Variants in MTUS2 observed in about 807,000 individuals in gnomAD.
The protein encoded by MTUS2 is microtubule associated scaffold protein 2, also known as microtubule-associated tumor suppressor candidate 2.
A neutral mutation model predicts 114.1 loss-of-function variants in MTUS2; 40 were observed. The ratio of observed to expected loss-of-function variants is 0.35; its 90% CI spans 0.27 to 0.46. The LOEUF is 0.46. MTUS2 is among the 20% of genes least tolerant of loss of function. The pLI, the probability that MTUS2 is intolerant of heterozygous loss-of-function variation, is 1.00. For synonymous variants in MTUS2, 688 were observed against 672.0 expected (o/e 1.02, Z -0.37); for missense variants, 1,679 against 1,705.4 (o/e 0.98, Z 0.27).
intron 6 of MTUS2, among the ~76,000 whole-genome samples, chr13:29,292,154 A>G (rs1056969316): frequency 1.4e-4 from 21 of 152,228 alleles, no homozygotes; most frequent in Admixed American, 1.4e-3. Context: ...CTGAGATAAC[A>G]CTAACTCTTA....
intron 7 of MTUS2, among the ~76,000 whole-genome samples, chr13:29,333,337 A>G (rs1323309090): frequency 2.4e-4 from 36 of 152,246 alleles, no homozygotes; most frequent in Middle Eastern, 3.4e-3. Flanking sequence ...AGTGGGGATT[A>G]TAGGCATGCA....
At chr13:29,244,682 C>T (rs1230769495) in intron 5 of MTUS2, among the ~76,000 whole-genome samples, 13 of 152,042 alleles carry the variant, frequency 8.6e-5, no homozygotes, top group African/African-American at 3.1e-4. Context: ...CTGGGCCGGG[C>T]GCGGTGGCTC....
Position 29,505,160 on chromosome 13 carries a change from A to G in MTUS2, c.*1954A>G, listed in dbSNP as rs554271811. 9 of 232,240 alleles carry G rather than the reference A, an allele frequency of 3.9e-5. No individual in the cohort carries two copies. The South Asian group carries it at 1.6e-3, about 42-fold the overall frequency. The allele number at this position is 232,240 out of a possible 1,614,324, so 14.4% of individuals were successfully genotyped here. A position where few individuals can be genotyped will look rare whatever the true frequency, so the allele number is the denominator to read the frequency against. ...GTAGATCTTGCCACATTGACTAAAT[A>G]CACAAGTATTTATTCTAGTAGCAGG... On this transcript the variant is annotated 3_prime_UTR_variant, in exon 16 of 16. Transcript: ENST00000612955.
chr13:29,180,999 C>G (rs1180946308), intron 5 of MTUS2, among the ~76,000 whole-genome samples: 1 of 152,066 alleles, frequency 6.6e-6, no homozygotes, highest in Non-Finnish European at 1.5e-5. Flanking sequence ...AATTATCTTG[C>G]CTGTTGAACT....
At chr13:28,829,665 A>G (rs772405452) in intron 1 of MTUS2, among the ~76,000 whole-genome samples, 9 of 152,242 alleles carry the variant, frequency 5.9e-5, no homozygotes, top group Non-Finnish European at 1.2e-4. Context: ...AAAAAACTCC[A>G]TTCTCAAAGC....
chr13:29,477,792 G>T lies in MTUS2; in HGVS notation c.3185-2358G>T, dbSNP rs112496925. Among the ~76,000 whole-genome samples the T allele has an allele frequency of 2.0e-5, 3 of 151,862 alleles. No individual in the cohort carries two copies. The East Asian group carries it at 5.8e-4, about 29-fold the overall frequency. On this transcript the variant is annotated intron_variant, in intron 9 of 15. Coordinates refer to ENST00000612955, the MANE Select transcript of MTUS2 (RefSeq NM_001033602.4). Reference sequence around the variant, plus strand: ...TGACAATTATATATATATATAATTGGTCCATTTTGGGTATCAAATTGGACC... The same window carrying T: ...TGACAATTATATATATATATAATTGTTCCATTTTGGGTATCAAATTGGACC...
chr13:29,408,418 CG>C (rs1312429602), intron 8 of MTUS2, among the ~76,000 whole-genome samples: 2 of 152,118 alleles, frequency 1.3e-5, no homozygotes, highest in Non-Finnish European at 2.9e-5. Flanking sequence ...TGGGCTCAAG[CG>C]ATCCTCCCAC....
rs1034651741 is a variant in MTUS2, at chr13:29,026,327, C to T, written c.1629C>T (p.Asn543=). The part of the protein sequence containing the change: ...PAPLHPETTV[N]MTYQPTTPSS... ...CCCTCCACCCAGAGACAACTGTGAA[C>T]ATGACCTACCAGCCTACAACACCCA... The change falls in exon 3 of 16, where the codon AAC becomes AAT. Residue 543 remains asparagine (N), a synonymous_variant. Coordinates refer to ENST00000612955, the MANE Select transcript of MTUS2 (RefSeq NM_001033602.4). 6.2e-7 allele frequency: 1 copy of T among 1,613,996 alleles called. No individual in the cohort carries two copies. Among genetic ancestry groups the T allele is most frequent in the Non-Finnish European group, 8.5e-7 (1 of 1,179,886 alleles).
chr13:29,292,477 T>G (rs566056088), intron 6 of MTUS2, among the ~76,000 whole-genome samples: 1 of 152,328 alleles, frequency 6.6e-6, no homozygotes, highest in East Asian at 1.9e-4. Flanking sequence ...TAGAACAGTC[T>G]TAACCCTTGA....
chr13:29,157,918 A>G (rs924090218), intron 5 of MTUS2, among the ~76,000 whole-genome samples: 6 of 152,240 alleles, frequency 3.9e-5, no homozygotes, highest in African/African-American at 1.4e-4. Context: ...GAGTAATGCA[A>G]AAAGTTGGTT....
At position 29,505,749 on chromosome 13, in the gene MTUS2, G is replaced by T. The variant is rs1250239160; in HGVS notation, c.*2543G>T. 8.7e-6 allele frequency: 2 copies of T among 228,914 alleles called. No individual in the cohort carries two copies. Among genetic ancestry groups the T allele is most frequent in the Non-Finnish European group, 1.7e-5 (2 of 115,508 alleles). 14.2% of individuals were successfully genotyped at this position (228,914 alleles called of 1,614,324 possible). ...CATTTGGGAGATGCGTGGGCGGCCT[G>T]CCCCCCGACCGCCGCCCCTGCCCAC... On this transcript the variant is annotated 3_prime_UTR_variant, in exon 16 of 16. Transcript: ENST00000612955.
Position 29,487,923 on chromosome 13 carries a change from T to A in MTUS2, c.3423T>A (p.His1141Gln), listed in dbSNP as rs759793167. 1.2e-6 allele frequency: 2 copies of A among 1,614,102 alleles called. No homozygotes were observed. Among genetic ancestry groups the A allele is most frequent in the South Asian group, 2.2e-5 (2 of 91,082 alleles). ...QEQVEDLTAS[H>Q]DAALLEMENN... Reference sequence around the variant, plus strand: ...AGGTGGAAGATCTCACCGCCAGCCATGATGCTGCTCTCCTAGAGATGGAAA... The same window carrying A: ...AGGTGGAAGATCTCACCGCCAGCCAAGATGCTGCTCTCCTAGAGATGGAAA... The change falls in exon 11 of 16, where the codon CAT becomes CAA. Residue 1141 changes from histidine (H) to glutamine (Q), a missense_variant. Around this residue, in one of 3 missense-constraint regions of MTUS2, gnomAD observed 822 missense variants for 899.7 expected, o/e 0.91. Transcript: ENST00000612955.
intron 2 of MTUS2, among the ~76,000 whole-genome samples, chr13:28,995,951 C>G (rs149323388): frequency 0.018 from 2,687 of 152,150 alleles, 80 homozygotes; most frequent in African/African-American, 0.06. Context: ...GGAGTGGTGA[C>G]AGAGGGGATC....
chr13:29,439,120 T>C (rs1457600280), intron 8 of MTUS2, among the ~76,000 whole-genome samples: 1 of 152,366 alleles, frequency 6.6e-6, no homozygotes, highest in Non-Finnish European at 1.5e-5. Flanking sequence ...GAGTCCATGC[T>C]ACAGAATGAC....
chr13:29,271,416 G>T (rs1283620796), intron 5 of MTUS2, among the ~76,000 whole-genome samples: 1 of 152,034 alleles, frequency 6.6e-6, no homozygotes, highest in African/African-American at 2.4e-5. Flanking sequence ...CTTAATGCTG[G>T]GTCTTTACTC....
intron 9 of MTUS2, among the ~76,000 whole-genome samples, chr13:29,447,183 A>T (rs1254756074): frequency 2.0e-5 from 3 of 152,186 alleles, no homozygotes; most frequent in Non-Finnish European, 4.4e-5. Context: ...TATACTCAAC[A>T]TGTGTTTCCT....
intron 2 of MTUS2, among the ~76,000 whole-genome samples, chr13:28,887,219 T>G (rs1036584592): frequency 2.0e-5 from 3 of 152,216 alleles, no homozygotes; most frequent in South Asian, 4.1e-4. Flanking sequence ...GTTTGATCAT[T>G]CCCTCAGGTT....
chr13:29,063,872 G>A (rs1469940496), intron 4 of MTUS2, among the ~76,000 whole-genome samples: 1 of 152,174 alleles, frequency 6.6e-6, no homozygotes, highest in African/African-American at 2.4e-5. Flanking sequence ...ATTTGTATTA[G>A]ATGACTAGTT....
chr13:29,057,712 T>C (rs140324607), intron 4 of MTUS2, among the ~76,000 whole-genome samples: 2 of 152,298 alleles, frequency 1.3e-5, no homozygotes, highest in East Asian at 3.9e-4. Context: ...AATGGGTCTC[T>C]TGTAGACAGC....
Sources: gnomAD v4.1 joint callset for allele counts (sites outside exome capture counted in the v4.1 genomes callset) on GRCh38, gnomAD v4.1.1 for gene constraint, gnomAD v4.1.1 regional missense constraint, MANE v1.5 for transcripts, NCBI Gene and HGNC (gene_info 2026-07-23, HGNC 2026-07-21) for gene names.